Variants in SLC71A1 observed in about 807,000 individuals in gnomAD.
The protein encoded by SLC71A1 is hippocampus abundant gene transcript 1.
chr1:100,068,516 G>T, the SLC71A1 span: 5 of 1,613,978 alleles, frequency 3.1e-6, no homozygotes, highest in Non-Finnish European at 4.2e-6. Flanking sequence ...CTGCTGATCT[G>T]CATTACAGTG....
the SLC71A1 span, among the ~76,000 whole-genome samples, chr1:100,074,541 A>T: frequency 2.0e-5 from 3 of 150,192 alleles, no homozygotes; most frequent in Admixed American, 1.3e-4. Context: ...ATTGCGCCAC[A>T]GCACTCCAGC....
chr1:100,038,097 A>G, the SLC71A1 span: 2 of 723,770 alleles, frequency 2.8e-6, no homozygotes, highest in East Asian at 2.8e-5. Context: ...GCGCCGCCGG[A>G]GGCAGGCCGG....
chr1:100,080,594 A>C, the SLC71A1 span: 1 of 1,614,064 alleles, frequency 6.2e-7, no homozygotes, highest in East Asian at 2.2e-5. Flanking sequence ...TGTGGAACTT[A>C]AAGAACTGCC....
the SLC71A1 span, chr1:100,068,575 T>A: frequency 6.3e-7 from 1 of 1,585,974 alleles, no homozygotes. Flanking sequence ...CTTTTTTTTA[T>A]ACCTCAGACA....
the SLC71A1 span, among the ~76,000 whole-genome samples, chr1:100,073,751 A>G: frequency 6.6e-6 from 1 of 152,192 alleles, no homozygotes; most frequent in Non-Finnish European, 1.5e-5. Context: ...GAATTTGGCA[A>G]ATATTTGTTG....
At chr1:100,073,567 C>A in the SLC71A1 span, among the ~76,000 whole-genome samples, 5,023 of 152,260 alleles carry the variant, frequency 0.033, 302 homozygotes, top group African/African-American at 0.11. Flanking sequence ...GCAGCATCTC[C>A]ATCACACTGC....
the SLC71A1 span, among the ~76,000 whole-genome samples, chr1:100,048,101 T>TG: frequency 6.6e-6 from 1 of 152,180 alleles, no homozygotes; most frequent in African/African-American, 2.4e-5. Context: ...CCTGAGAAGT[T>TG]GTACCAAGCT....
the SLC71A1 span, among the ~76,000 whole-genome samples, chr1:100,051,315 C>T: frequency 1.3e-5 from 2 of 152,090 alleles, no homozygotes; most frequent in Non-Finnish European, 2.9e-5. Flanking sequence ...CTCTTGAACC[C>T]GGGAAGTGGA....
At chr1:100,062,411 C>T in the SLC71A1 span, among the ~76,000 whole-genome samples, 1 of 152,048 alleles carries the variant, frequency 6.6e-6, no homozygotes, top group African/African-American at 2.4e-5. Context: ...TTTATAAACT[C>T]TTTAAAAATG....
chr1:100,059,144 G>GTGTTTTTTTTTTTTTTTTTT, the SLC71A1 span, among the ~76,000 whole-genome samples: 2 of 75,414 alleles, frequency 2.7e-5, no homozygotes, highest in African/African-American at 1.2e-4. Flanking sequence ...TCTTTTTCGT[G>GTGTTTTTTTTTTTTTTTTTT]TTTTTTTTTT....
the SLC71A1 span, among the ~76,000 whole-genome samples, chr1:100,071,289 CAAAAAAAAAAAAAAAAA>C: frequency 1.9e-5 from 1 of 53,342 alleles, no homozygotes; most frequent in African/African-American, 6.3e-5. Context: ...CCATCTCTAC[CAAAAAAAAAAAAAAAAA>C]AAAAAAAAAA....
the SLC71A1 span, among the ~76,000 whole-genome samples, chr1:100,063,501 TAAAA>T: frequency 6.8e-6 from 1 of 148,102 alleles, no homozygotes; most frequent in African/African-American, 2.5e-5. Context: ...CCCTGTCTCT[TAAAA>T]AAAAAAGTTG....
chr1:100,038,142 C>A, the SLC71A1 span: 1 of 1,175,516 alleles, frequency 8.5e-7, no homozygotes. Context: ...CAGAGCGGCT[C>A]GGCCCGGCAG....
chr1:100,050,056 C>A, the SLC71A1 span: 2 of 983,046 alleles, frequency 2.0e-6, no homozygotes, highest in South Asian at 1.4e-5. Flanking sequence ...TCTTCTTCTT[C>A]AGTTTTGGAG....
At chr1:100,078,701 A>G in the SLC71A1 span, 3 of 564,380 alleles carry the variant, frequency 5.3e-6, no homozygotes, top group African/African-American at 5.6e-5. Flanking sequence ...ATTCTAGGGT[A>G]TTTATCCTTA....
At chr1:100,039,208 T>C in the SLC71A1 span, among the ~76,000 whole-genome samples, 2 of 152,232 alleles carry the variant, frequency 1.3e-5, no homozygotes, top group African/African-American at 4.8e-5. Flanking sequence ...CTTTGTTGCA[T>C]CCGCTGATAC....
At chr1:100,056,893 A>G in the SLC71A1 span, among the ~76,000 whole-genome samples, 1 of 151,940 alleles carries the variant, frequency 6.6e-6, no homozygotes, top group Non-Finnish European at 1.5e-5. Flanking sequence ...ATGATATTTC[A>G]CTGTAGTTTT....
At chr1:100,051,309 T>C in the SLC71A1 span, among the ~76,000 whole-genome samples, 322 of 152,206 alleles carry the variant, frequency 2.1e-3, 2 homozygotes, top group Middle Eastern at 0.01. Context: ...GAGAATCTCT[T>C]GAACCCGGGA....
the SLC71A1 span, chr1:100,078,447 A>G: frequency 6.2e-7 from 1 of 1,603,082 alleles, no homozygotes; most frequent in Non-Finnish European, 8.5e-7. Flanking sequence ...TGCTCTCCTT[A>G]TAGGATGATG....
Sources: gnomAD v4.1 joint callset for allele counts (sites outside exome capture counted in the v4.1 genomes callset) on GRCh38, gnomAD v4.1.1 for gene constraint, MANE v1.5 for transcripts, NCBI Gene and HGNC (gene_info 2026-07-23, HGNC 2026-07-21) for gene names.